Variants in EPHA6 observed in about 807,000 individuals in gnomAD.
The protein encoded by EPHA6 is ephrin type-A receptor 6.
In EPHA6, 50 loss-of-function variants were observed where a neutral mutation model predicts 112.0. The ratio of observed to expected loss-of-function variants is 0.45; its 90% confidence interval spans 0.36 to 0.56. The LOEUF is 0.56. Among genes scored for constraint, EPHA6 ranks in the 20% least tolerant of loss-of-function variants. The probability of loss-of-function intolerance (pLI) is 0.00; values close to 1 mark genes in which losing one functional copy is unlikely to be tolerated. For synonymous variants in EPHA6, 529 were observed against 490.7 expected (o/e 1.08, Z -1.03); for missense variants, 1,280 against 1,417.4 (o/e 0.90, Z 1.56).
At chr3:97,471,014 AT>A (rs1205092429) in intron 7 of EPHA6, among the ~76,000 whole-genome samples, 5 of 151,704 alleles carry the variant, frequency 3.3e-5, no homozygotes, top group Non-Finnish European at 5.9e-5. Flanking sequence ...TACAAAACTA[AT>A]GAGAAGGTTC....
At chr3:97,543,434 G>A (rs933924711) in intron 11 of EPHA6, among the ~76,000 whole-genome samples, 1 of 152,154 alleles carries the variant, frequency 6.6e-6, no homozygotes, top group African/African-American at 2.4e-5. Flanking sequence ...TGAGGGCTCT[G>A]TTCTGTTCCA....
rs371718674 is a variant in EPHA6 at position 97,415,834 on chromosome 3, G to A, written c.1731+10560G>A. Among the ~76,000 whole-genome samples the A allele has an allele frequency of 4.6e-5, 7 of 152,144 alleles. No homozygotes were observed. The East Asian group carries it at 1.3e-3, about 29-fold the overall frequency. On this transcript the variant is annotated intron_variant, in intron 6 of 17. Coordinates refer to ENST00000389672, the MANE Select transcript of EPHA6 (RefSeq NM_001080448.3). ...TGAATTAAAACTCAACAATATGCCTGCATTCTGCATTCAGAAACATTGGTT... is the reference window on the plus strand; with the variant it reads ...TGAATTAAAACTCAACAATATGCCTACATTCTGCATTCAGAAACATTGGTT...
intron 2 of EPHA6, among the ~76,000 whole-genome samples, chr3:96,946,428 C>G (rs542918343): frequency 1.0e-3 from 154 of 150,152 alleles, no homozygotes; most frequent in Non-Finnish European, 1.7e-3. Flanking sequence ...TGCGGTGTTT[C>G]GTTTTTTGTT....
At chr3:96,860,958 A>G (rs1340387502) in intron 1 of EPHA6, among the ~76,000 whole-genome samples, 1 of 151,870 alleles carries the variant, frequency 6.6e-6, no homozygotes, top group African/African-American at 2.4e-5. Flanking sequence ...GGAAAGCACA[A>G]CTTTTGAGGT....
chr3:97,240,109 T>G (rs1196376663), intron 4 of EPHA6, among the ~76,000 whole-genome samples: 2 of 151,618 alleles, frequency 1.3e-5, no homozygotes, highest in African/African-American at 4.8e-5. Flanking sequence ...TAGAAAAAAT[T>G]TAATAAACAA....
chr3:96,942,656 G>A (rs1028770320), intron 2 of EPHA6, among the ~76,000 whole-genome samples: 1 of 152,196 alleles, frequency 6.6e-6, no homozygotes, highest in Non-Finnish European at 1.5e-5. Context: ...CTAGTGAGAT[G>A]AACCCGGTAC....
chr3:96,943,798 C>A (rs957678372), intron 2 of EPHA6, among the ~76,000 whole-genome samples: 8 of 151,910 alleles, frequency 5.3e-5, no homozygotes, highest in African/African-American at 1.7e-4. Flanking sequence ...GTTGAGGATG[C>A]AGTGAGGCTA....
intron 2 of EPHA6, among the ~76,000 whole-genome samples, chr3:96,938,039 T>C (rs2040702188): frequency 3.3e-5 from 5 of 152,016 alleles, no homozygotes; most frequent in South Asian, 2.1e-4. Context: ...AGTCAGGTAG[T>C]GTGATGCCTC....
At chr3:96,981,544 G>C (rs1331653346) in intron 2 of EPHA6, among the ~76,000 whole-genome samples, 1 of 151,968 alleles carries the variant, frequency 6.6e-6, no homozygotes, top group Non-Finnish European at 1.5e-5. Context: ...CGAGGCTTTA[G>C]TATCAAGATG....
intron 14 of EPHA6, among the ~76,000 whole-genome samples, chr3:97,666,910 T>C (rs550234652): frequency 7.0e-4 from 106 of 152,348 alleles, no homozygotes; most frequent in African/African-American, 2.3e-3. Flanking sequence ...ACTGAAGAAC[T>C]GTCATTTCTC....
intron 14 of EPHA6, among the ~76,000 whole-genome samples, chr3:97,687,021 A>G (rs567868001): frequency 6.6e-6 from 1 of 152,322 alleles, no homozygotes; most frequent in East Asian, 1.9e-4. Context: ...TTCACCTGCA[A>G]TGATTTGTGT....
At chr3:97,154,958 C>T (rs74872622) in intron 3 of EPHA6, among the ~76,000 whole-genome samples, 2,046 of 152,178 alleles carry the variant, frequency 0.013, 42 homozygotes, top group African/African-American at 0.044. Flanking sequence ...AGAAACCAAC[C>T]TAGCTGTTTG....
At chr3:97,347,411 A>G (rs191436871) in intron 5 of EPHA6, among the ~76,000 whole-genome samples, 6 of 152,258 alleles carry the variant, frequency 3.9e-5, no homozygotes, top group Non-Finnish European at 2.9e-5. Context: ...TCAATATTAT[A>G]TGTCCTGTAC....
At chr3:97,163,762 C>T (rs1360515794) in intron 3 of EPHA6, among the ~76,000 whole-genome samples, 2 of 152,184 alleles carry the variant, frequency 1.3e-5, no homozygotes, top group Non-Finnish European at 2.9e-5. Context: ...AAAGAAGACT[C>T]ATCAGAATTT....
At chr3:97,070,370 T>C (rs561584100) in intron 3 of EPHA6, among the ~76,000 whole-genome samples, 4 of 152,144 alleles carry the variant, frequency 2.6e-5, no homozygotes, top group South Asian at 4.1e-4. Flanking sequence ...TATAAAAATA[T>C]TTGTTTAGTT....
intron 13 of EPHA6, among the ~76,000 whole-genome samples, chr3:97,631,626 T>G (rs572684137): frequency 6.6e-6 from 1 of 152,018 alleles, no homozygotes; most frequent in Non-Finnish European, 1.5e-5. Flanking sequence ...ATAGTATTTA[T>G]TGAACCAGAT....
intron 7 of EPHA6, among the ~76,000 whole-genome samples, chr3:97,466,066 A>G (rs185245145): frequency 3.3e-5 from 5 of 152,052 alleles, no homozygotes; most frequent in East Asian, 1.9e-4. Context: ...TTTCCCCCCA[A>G]AACTATCCAT....
chr3:96,954,600 C>G (rs1464599106), intron 2 of EPHA6, among the ~76,000 whole-genome samples: 1 of 152,080 alleles, frequency 6.6e-6, no homozygotes, highest in East Asian at 1.9e-4. Flanking sequence ...ACATAAAGAA[C>G]AACTCCCTCA....
In EPHA6 at chr3:96,870,597, C is replaced by T. The variant is rs72933427; in HGVS notation, c.450+3708C>T. ...TAATGTTTTAGCAGTTATCTTTAGCCTAGTCATGTTGATACATAAAATTAA... is the reference window on the plus strand; with the variant it reads ...TAATGTTTTAGCAGTTATCTTTAGCTTAGTCATGTTGATACATAAAATTAA... On this transcript the variant is annotated intron_variant, in intron 2 of 17. Transcript: ENST00000389672. Among the ~76,000 whole-genome samples, 1,252 of 152,076 alleles carry T rather than the reference C, an allele frequency of 8.2e-3. 17 individuals are homozygous for T. Among genetic ancestry groups the T allele is most frequent in the African/African-American group, 0.023 (936 of 41,496 alleles).
Sources: gnomAD v4.1 joint callset for allele counts (sites outside exome capture counted in the v4.1 genomes callset) on GRCh38, gnomAD v4.1.1 for gene constraint, MANE v1.5 for transcripts, NCBI Gene and HGNC (gene_info 2026-07-23, HGNC 2026-07-21) for gene names.